The following IFI16 variants were observed in gnomAD, a reference collection of about 807,000 sequenced individuals.
The protein encoded by IFI16 is gamma-interferon-inducible protein 16.
Under a neutral mutation model 68.4 loss-of-function variants are expected in IFI16, and 49 were observed. The observed-to-expected ratio is 0.72, with a 90% CI of 0.57 to 0.91. The LOEUF is 0.91. Ranked by LOEUF, IFI16 falls within the 40% of genes least tolerant of loss-of-function variation. The pLI, the probability that IFI16 is intolerant of heterozygous loss-of-function variation, is 0.00. For synonymous variants in IFI16, 307 were observed against 315.0 expected (o/e 0.97, Z 0.27); for missense variants, 878 against 942.9 (o/e 0.93, Z 0.90).
At chr1:159,032,122 A>T (rs1654035471) in intron 6 of IFI16, among the ~76,000 whole-genome samples, 1 of 152,246 alleles carries the variant, frequency 6.6e-6, no homozygotes. Flanking sequence ...AAAGATTTCT[A>T]GGGAGAGAAA....
chr1:159,014,175 T>C (rs1209679545), intron 1 of IFI16, among the ~76,000 whole-genome samples: 1 of 152,006 alleles, frequency 6.6e-6, no homozygotes, highest in Non-Finnish European at 1.5e-5. Context: ...TCAAGGAGAA[T>C]AGGGTCAGTG....
At chr1:159,044,037 C>A (rs1438664469) in intron 7 of IFI16, among the ~76,000 whole-genome samples, 2 of 152,092 alleles carry the variant, frequency 1.3e-5, no homozygotes, top group Non-Finnish European at 2.9e-5. Context: ...GACATGCAAA[C>A]CCCTAATAGA....
chr1:159,027,012 T>C (rs1048521765), intron 6 of IFI16, among the ~76,000 whole-genome samples: 32 of 152,282 alleles, frequency 2.1e-4, no homozygotes, highest in African/African-American at 7.7e-4. Context: ...CCGATTTGGA[T>C]TTCCTTTATT....
Position 159,053,536 on chromosome 1 carries a change from A to T in IFI16, c.2089A>T (p.Asn697Tyr). Reference sequence around the variant, plus strand: ...AAGTGTTAATTTTCTTTTGCAGAAAAATGTAAGGGGTGAATTCACTTATTA... The same window carrying T: ...AAGTGTTAATTTTCTTTTGCAGAAATATGTAAGGGGTGAATTCACTTATTA... The part of the protein sequence containing the change: ...VNGVFEVHKK[N>Y]VRGEFTYYEI... The change falls in exon 11 of 12, where the codon AAT becomes TAT. Residue 697 changes from asparagine to tyrosine, a missense_variant. Around this residue, in one of 4 missense-constraint regions of IFI16, gnomAD observed 311 missense variants for 305.1 expected, o/e 1.02. Coordinates refer to ENST00000295809, the MANE Select transcript of IFI16 (RefSeq NM_001376587.1). The T allele has an allele frequency of 6.3e-7, 1 of 1,589,096 alleles. No individual in the cohort carries two copies. Among genetic ancestry groups the T allele is most frequent in the Non-Finnish European group, 8.6e-7 (1 of 1,162,218 alleles).
chr1:159,054,812 T>C lies in IFI16; in HGVS notation c.2278-9T>C, dbSNP rs1411428166. On this transcript the variant is annotated splice_polypyrimidine_tract_variant and intron_variant, in intron 11 of 11. Transcript: ENST00000295809. The stretch of plus-strand genomic sequence containing the variant: ...CAACTGGTCTGTCTTTATCTCTTTC[T>C]CCTTCAAGGTCATCAAGACCAGGAA... 2 of 1,543,730 alleles carry C rather than the reference T, an allele frequency of 1.3e-6. No individual in the cohort carries two copies. The highest frequency in any genetic ancestry group is 1.8e-6 in the Non-Finnish European group (2 of 1,119,748).
upstream of IFI16, chr1:159,006,161 C>G (rs180936704): frequency 1.3e-5 from 2 of 152,334 alleles, no homozygotes; most frequent in African/African-American, 4.8e-5. Context: ...GAAAATACCC[C>G]ACACTTTGAG....
intron 5 of IFI16, among the ~76,000 whole-genome samples, chr1:159,019,649 C>T (rs940278783): frequency 6.6e-5 from 10 of 151,854 alleles, no homozygotes; most frequent in Admixed American, 1.3e-4. Context: ...TTAGTAGAGA[C>T]GGGGTTTCAC....
intron 9 of IFI16, 36 bp downstream of exon 9, chr1:159,049,635 T>G: frequency 6.2e-7 from 1 of 1,612,402 alleles, no homozygotes; most frequent in Non-Finnish European, 8.5e-7. Context: ...TTCCCCTCGC[T>G]ACTATATAAT....
intron 6 of IFI16, among the ~76,000 whole-genome samples, chr1:159,030,877 G>GT (rs1553209154): frequency 0.015 from 7 of 466 alleles, no homozygotes; most frequent in Non-Finnish European, 0.045. Flanking sequence ...GGTGGTGGGT[G>GT]GGGGGGCCAC....
chr1:159,032,444 G>T, intron 6 of IFI16, 80 bp from the exon 7 acceptor site: 2 of 834,826 alleles, frequency 2.4e-6, no homozygotes, highest in South Asian at 4.5e-5. Flanking sequence ...ATCTAATAAA[G>T]GATGATATTC....
chr1:159,025,527 G>GT (rs1167871809), intron 6 of IFI16, among the ~76,000 whole-genome samples: 2 of 151,796 alleles, frequency 1.3e-5, no homozygotes, highest in East Asian at 1.9e-4. Context: ...TTTTATATTT[G>GT]TTTTTTTCTT....
rs922740843 is a variant in IFI16 at position 159,055,109 on chromosome 1, C to G, written c.*208C>G. 2.7e-6 allele frequency: 1 copy of G among 373,228 alleles called. No individual in the cohort carries two copies. The highest frequency in any genetic ancestry group is 4.9e-6 in the Non-Finnish European group (1 of 205,014). The allele number at this position is 373,228 out of a possible 1,614,324, so 23.1% of individuals were successfully genotyped here. A position where few individuals can be genotyped will look rare whatever the true frequency, so the allele number is the denominator to read the frequency against. On this transcript the variant is annotated 3_prime_UTR_variant, in exon 12 of 12. Coordinates refer to ENST00000295809, the MANE Select transcript of IFI16 (RefSeq NM_001376587.1). ...ATGGCATATTTTGCATCTACAACTT[C>G]TATAATTTGAAAAAATAAATAAACA...
At chr1:159,036,919 C>T (rs1339002885) in intron 7 of IFI16, among the ~76,000 whole-genome samples, 1 of 152,146 alleles carries the variant, frequency 6.6e-6, no homozygotes, top group African/African-American at 2.4e-5. Flanking sequence ...CTCAATTTTT[C>T]ATGTTGTTTT....
intron 7 of IFI16, among the ~76,000 whole-genome samples, chr1:159,034,121 A>G (rs529500674): frequency 6.6e-6 from 1 of 152,328 alleles, no homozygotes; most frequent in South Asian, 2.1e-4. Context: ...TGCAGACTAC[A>G]AAACAGCAGA....
At chr1:159,010,323 TCA>T (rs1652470458) in intron 1 of IFI16, among the ~76,000 whole-genome samples, 162 bp downstream of exon 1, 1 of 152,170 alleles carries the variant, frequency 6.6e-6, no homozygotes, top group Non-Finnish European at 1.5e-5. Context: ...TATGAATCCT[TCA>T]TTTACTTAGG....
rs1031679704 is a variant in IFI16, at chr1:159,016,663, C to T, written c.512C>T (p.Thr171Ile). Residue 171 changes from threonine to isoleucine, a missense_variant, in exon 4 of 12, where the codon ACC (threonine) becomes ATC (isoleucine). Thr to Ile is a moderately conservative substitution (Grantham distance 89, BLOSUM62 -1). Around this residue, in one of 4 missense-constraint regions of IFI16, gnomAD observed 443 missense variants for 421.8 expected, o/e 1.05. Transcript: ENST00000295809. ...ATGGGCCGTTCCCCATCTCCCAAGA[C>T]CTCATTGTCAGCTCCACCCAACAGT... The part of the protein sequence containing the change: ...TAMGRSPSPK[T>I]SLSAPPNSSS... The T allele has an allele frequency of 9.3e-6, 15 of 1,614,126 alleles. No individual in the cohort carries two copies. In the African/African-American group the frequency reaches 1.9e-4, roughly 20 times the overall value.
chr1:159,052,297 G>A (rs1056493587), intron 10 of IFI16, 199 bp downstream of exon 10: 1 of 565,290 alleles, frequency 1.8e-6, no homozygotes, highest in East Asian at 2.9e-5. Context: ...TCTTCTTAAG[G>A]TATCATCATG....
In IFI16 at chr1:159,016,564, G is replaced by T. The variant is rs770364590; in HGVS notation, c.413G>T (p.Gly138Val). 3.1e-6 allele frequency: 5 copies of T among 1,611,462 alleles called. No individual in the cohort carries two copies. Among genetic ancestry groups the T allele is most frequent in the Non-Finnish European group, 3.4e-6 (4 of 1,179,362 alleles). ...KRKKSTKEKAGPKGSKVSEEQ... is the reference protein window; with the variant it reads ...KRKKSTKEKAVPKGSKVSEEQ... ...AAAAAATCAACCAAAGAAAAGGCTG[G>T]ACCCAAAGGGAGTAAGGTGTCCGAG... Residue 138 changes from glycine (G) to valine (V), a missense_variant, in exon 4 of 12, where the codon GGA (glycine) becomes GTA (valine). Coordinates refer to ENST00000295809, the MANE Select transcript of IFI16 (RefSeq NM_001376587.1).
intron 6 of IFI16, among the ~76,000 whole-genome samples, 173 bp from the exon 7 acceptor site, chr1:159,032,351 T>G (rs570756886): frequency 1.3e-5 from 2 of 152,140 alleles, no homozygotes; most frequent in East Asian, 3.9e-4. Flanking sequence ...CATTCCACAT[T>G]TTAGCAAAAA....
Sources: allele counts gnomAD v4.1 joint callset (sites outside exome capture counted in the v4.1 genomes callset), GRCh38; gene constraint gnomAD v4.1.1; regional missense constraint gnomAD v4.1.1; transcripts MANE v1.5; gene names NCBI Gene and HGNC (gene_info 2026-07-23, HGNC 2026-07-21).